VRK2: variants seen among roughly 807,000 people sequenced by gnomAD.
VRK2 encodes the protein VRK serine/threonine kinase 2.
VRK2 carries 60 observed loss-of-function variants against 57.6 expected under a neutral mutation model. The observed-to-expected ratio is 1.04, with a 90% CI of 0.85 to 1.29. VRK2 has a LOEUF of 1.29. Among genes scored for constraint, VRK2 ranks in the 50% most tolerant of loss-of-function variants. The pLI is 0.00. For missense variants in VRK2, 705 were observed against 588.1 expected, an observed-to-expected ratio of 1.20 and a Z score of -2.06; for synonymous variants, 231 against 199.2, an observed-to-expected ratio of 1.16 and a Z score of -1.35.
At chr2:58,074,577 T>C (rs1669822064) in intron 2 of VRK2, among the ~76,000 whole-genome samples, 1 of 152,146 alleles carries the variant, frequency 6.6e-6, no homozygotes, top group Non-Finnish European at 1.5e-5. Flanking sequence ...AATTATTCTC[T>C]CCTGTCTCTT....
chr2:58,143,837 A>T (rs1044869520), intron 11 of VRK2, among the ~76,000 whole-genome samples: 3 of 151,874 alleles, frequency 2.0e-5, no homozygotes, highest in Non-Finnish European at 4.4e-5. Flanking sequence ...AGTGTGTGTC[A>T]ATGGGTGAAT....
chr2:58,131,764 A>T, intron 8 of VRK2, 44 bp from the exon 9 acceptor site: 1 of 1,520,948 alleles, frequency 6.6e-7, no homozygotes, highest in Non-Finnish European at 8.8e-7. Flanking sequence ...TTTCTCAAGG[A>T]CTTGCTTATC....
At chr2:58,024,246 G>C (rs1188518960) in intron 1 of VRK2, among the ~76,000 whole-genome samples, 2 of 152,102 alleles carry the variant, frequency 1.3e-5, no homozygotes, top group African/African-American at 4.8e-5. Flanking sequence ...CATGTATTTA[G>C]GCTGAAATTA....
intron 1 of VRK2, among the ~76,000 whole-genome samples, chr2:57,974,840 CCTTA>C (rs1299029666): frequency 6.6e-6 from 1 of 151,414 alleles, no homozygotes; most frequent in South Asian, 2.1e-4. Flanking sequence ...AACAGCCAAC[CCTTA>C]CTTGATGAAT....
At chr2:58,006,276 T>G (rs1032864927) in intron 1 of VRK2, among the ~76,000 whole-genome samples, 1 of 152,200 alleles carries the variant, frequency 6.6e-6, no homozygotes, top group African/African-American at 2.4e-5. Flanking sequence ...GTTAAAGCTT[T>G]GGCAGTTAGG....
At chr2:58,089,528 A>G (rs1672079576) in intron 6 of VRK2, 103 bp from the exon 7 acceptor site, 1 of 599,692 alleles carries the variant, frequency 1.7e-6, no homozygotes, top group Admixed American at 3.4e-5. Context: ...CGCTTTGTCA[A>G]TGTTAATATG....
At chr2:57,975,119 C>A (rs1231285825) in intron 1 of VRK2, among the ~76,000 whole-genome samples, 1 of 151,698 alleles carries the variant, frequency 6.6e-6, no homozygotes, top group Admixed American at 6.6e-5. Context: ...CCATAGACAA[C>A]CCTTAACATT....
At chr2:57,988,262 G>A (rs1672660620) in intron 1 of VRK2, among the ~76,000 whole-genome samples, 1 of 151,920 alleles carries the variant, frequency 6.6e-6, no homozygotes, top group Non-Finnish European at 1.5e-5. Context: ...AAATATTTAT[G>A]TTAAAATCTC....
chr2:58,032,455 G>A lies in VRK2; in HGVS notation c.-332-772G>A, dbSNP rs114795462. ...GGCAGAAAAGGGAAGTGAGCCCTCT[G>A]TGTTCCCTTTTGTAGGGGCACTAAC... On this transcript the variant is annotated intron_variant, in intron 2 of 15. Transcript: ENST00000417641. 7.4e-3 allele frequency among the ~76,000 whole-genome samples: 1,119 copies of A among 152,120 alleles called. 18 individuals are homozygous for A. The highest frequency in any genetic ancestry group is 0.025 in the African/African-American group (1,029 of 41,526).
Position 58,012,571 on chromosome 2 carries a change from G to T in VRK2, c.-438-13094G>T, listed in dbSNP as rs772975859. Among the ~76,000 whole-genome samples, 4 of 152,308 alleles carry T rather than the reference G, an allele frequency of 2.6e-5. 1 individual carries two copies. In the South Asian group the frequency reaches 8.3e-4, roughly 32 times the overall value. Reference sequence around the variant, plus strand: ...CTCTTCCCCTCTCCAGAGTTTGGGGGGATAGGGCTGAAAGTTCAAGCCCTC... The same window carrying T: ...CTCTTCCCCTCTCCAGAGTTTGGGGTGATAGGGCTGAAAGTTCAAGCCCTC... On this transcript the variant is annotated intron_variant, in intron 1 of 15. Transcript: ENST00000417641.
intron 1 of VRK2, among the ~76,000 whole-genome samples, chr2:57,921,022 G>A (rs910310286): frequency 3.3e-5 from 5 of 152,022 alleles, no homozygotes; most frequent in African/African-American, 4.8e-5. Context: ...AGAACATGAG[G>A]CCTGAGTGGT....
At chr2:58,077,363 T>C (rs1253112547) in intron 2 of VRK2, among the ~76,000 whole-genome samples, 1 of 152,058 alleles carries the variant, frequency 6.6e-6, no homozygotes, top group Non-Finnish European at 1.5e-5. Context: ...GCCTTTGTTG[T>C]CTCAGGATAT....
intron 12 of VRK2, among the ~76,000 whole-genome samples, chr2:58,149,702 T>G (rs1193255226): frequency 6.6e-6 from 1 of 151,684 alleles, no homozygotes; most frequent in East Asian, 1.9e-4. Context: ...CTGAGGAAAT[T>G]TCACCATATT....
At chr2:58,045,482 T>C (rs1268323485), upstream of VRK2, among the ~76,000 whole-genome samples, 2 of 152,264 alleles carry the variant, frequency 1.3e-5, no homozygotes, top group African/African-American at 2.4e-5. Context: ...TATGCATCTG[T>C]TACATAAATA....
intron 1 of VRK2, among the ~76,000 whole-genome samples, chr2:57,967,090 A>T (rs550930793): frequency 6.6e-6 from 1 of 152,268 alleles, no homozygotes; most frequent in East Asian, 1.9e-4. Context: ...CAATTTGTTC[A>T]CTGATATAAA....
At chr2:58,075,099 G>A (rs1382571651) in intron 2 of VRK2, among the ~76,000 whole-genome samples, 1 of 151,974 alleles carries the variant, frequency 6.6e-6, no homozygotes, top group Non-Finnish European at 1.5e-5. Context: ...TTGTGTCCAT[G>A]TGTACTCAGT....
intron 2 of VRK2, among the ~76,000 whole-genome samples, chr2:58,032,427 C>T (rs968435642): frequency 6.6e-6 from 1 of 152,004 alleles, no homozygotes. Context: ...TGTGTCCTTC[C>T]GTGGCAGAAA....
intron 1 of VRK2, among the ~76,000 whole-genome samples, chr2:57,939,905 A>G (rs1227256013): frequency 6.6e-6 from 1 of 152,184 alleles, no homozygotes; most frequent in Non-Finnish European, 1.5e-5. Flanking sequence ...TTTTACATGC[A>G]GTTTCATTAA....
At chr2:58,016,043 T>A (rs1316792631) in intron 1 of VRK2, among the ~76,000 whole-genome samples, 1 of 152,158 alleles carries the variant, frequency 6.6e-6, no homozygotes, top group Non-Finnish European at 1.5e-5. Flanking sequence ...CTCCTTTTTC[T>A]TGTTCTAGAA....
Sources: gnomAD v4.1 joint callset for allele counts (sites outside exome capture counted in the v4.1 genomes callset) on GRCh38, gnomAD v4.1.1 for gene constraint, MANE v1.5 for transcripts, NCBI Gene and HGNC (gene_info 2026-07-23, HGNC 2026-07-21) for gene names.